The following PPFIBP2 variants were observed in gnomAD, a reference collection of about 807,000 sequenced individuals.
The protein encoded by PPFIBP2 is PPFIB scaffold protein 2.
A neutral mutation model predicts 118.3 loss-of-function variants in PPFIBP2; 118 were observed. That is an observed-to-expected ratio of 1.00 (90% CI 0.86 to 1.16). The LOEUF (loss-of-function observed/expected upper bound fraction) is 1.16, where lower values mean the gene tolerates loss of function less well. Among genes scored for constraint, PPFIBP2 ranks in the 50% most tolerant of loss-of-function variants. PPFIBP2 has a pLI of 0.00. For synonymous variants in PPFIBP2, 414 were observed against 397.4 expected (o/e 1.04, Z -0.50); for missense variants, 1,195 against 1,073.1 (o/e 1.11, Z -1.59).
chr11:7,578,462 C>T (rs1393442820), intron 3 of PPFIBP2, among the ~76,000 whole-genome samples: 1 of 152,204 alleles, frequency 6.6e-6, no homozygotes, highest in Non-Finnish European at 1.5e-5. Flanking sequence ...CATGCAGATG[C>T]CCGGACCCCG....
intron 1 of PPFIBP2, among the ~76,000 whole-genome samples, chr11:7,538,061 C>T (rs2134408435): frequency 6.6e-6 from 1 of 152,264 alleles, no homozygotes; most frequent in East Asian, 1.9e-4. Flanking sequence ...GAGCATTCAA[C>T]AACATCAAGC....
At chr11:7,663,375 C>T in the PPFIBP2 span, among the ~76,000 whole-genome samples, 1 of 151,384 alleles carries the variant, frequency 6.6e-6, no homozygotes, top group Non-Finnish European at 1.5e-5. Flanking sequence ...CAGACAGGAC[C>T]CTCAGCTGCA....
At chr11:7,577,858 C>CT (rs2134947696) in intron 3 of PPFIBP2, among the ~76,000 whole-genome samples, 1 of 152,324 alleles carries the variant, frequency 6.6e-6, no homozygotes, top group East Asian at 1.9e-4. Context: ...GAATGAGCCT[C>CT]TGTACAGAAA....
chr11:7,614,632 C>T (rs1424358480), intron 6 of PPFIBP2, among the ~76,000 whole-genome samples: 3 of 152,098 alleles, frequency 2.0e-5, no homozygotes, highest in African/African-American at 7.2e-5. Context: ...TCAAGGAGTA[C>T]ATGAACTTGA....
At position 7,639,837 on chromosome 11, in the gene PPFIBP2, C is replaced by T. The variant is rs1376234242; in HGVS notation, c.1342C>T (p.Pro448Ser). Residue 448 changes from proline to serine, a missense_variant, in exon 15 of 24, where the codon CCT becomes TCT. Transcript: ENST00000299492. ...CAAATCTCCTCCCACCATCTGCCAGCCTGACGCCACGGGGAGCAGCCTGCT... is the reference window on the plus strand; with the variant it reads ...CAAATCTCCTCCCACCATCTGCCAGTCTGACGCCACGGGGAGCAGCCTGCT... ...AAKSPPTICQPDATGSSLLRL... is the reference protein window; with the variant it reads ...AAKSPPTICQSDATGSSLLRL... 2 of 1,614,092 alleles carry T rather than the reference C, an allele frequency of 1.2e-6. No individual in the cohort carries two copies. The highest frequency in any genetic ancestry group is 2.7e-5 in the African/African-American group (2 of 74,936).
At chr11:7,544,772 T>TAAAAA (rs1194860244) in intron 1 of PPFIBP2, among the ~76,000 whole-genome samples, 2 of 86,144 alleles carry the variant, frequency 2.3e-5, no homozygotes. Context: ...AGACTCCATC[T>TAAAAA]AAAAAAAAAA....
intron 20 of PPFIBP2, 28 bp downstream of exon 20, chr11:7,649,263 G>A (rs771920287): frequency 1.3e-6 from 2 of 1,587,362 alleles, no homozygotes. Context: ...AAATATTTCA[G>A]TTGTCCCTGT....
downstream of PPFIBP2, chr11:7,656,777 CAACTCTG>C (rs1423174556): frequency 7.8e-7 from 1 of 1,289,746 alleles, no homozygotes; most frequent in Non-Finnish European, 1.0e-6. Context: ...TGCCTGCCCC[CAACTCTG>C]ATGACTGGAG....
At chr11:7,515,643 T>C (rs985564957) in intron 1 of PPFIBP2, among the ~76,000 whole-genome samples, 1 of 152,200 alleles carries the variant, frequency 6.6e-6, no homozygotes, top group African/African-American at 2.4e-5. Flanking sequence ...AAGTGGCCAG[T>C]GGTCCAGCTT....
chr11:7,650,797 C>G (rs1046568585), intron 21 of PPFIBP2, 43 bp from the exon 22 acceptor site: 1 of 1,602,348 alleles, frequency 6.2e-7, no homozygotes, highest in Non-Finnish European at 8.5e-7. Flanking sequence ...CATGGTGGGA[C>G]CTATTAAGCC....
chr11:7,596,360 G>A (rs1251586397), intron 4 of PPFIBP2, among the ~76,000 whole-genome samples: 1 of 150,510 alleles, frequency 6.6e-6, no homozygotes, highest in Non-Finnish European at 1.5e-5. Context: ...GTGTAAGGTG[G>A]ACCAAGTTGA....
intron 5 of PPFIBP2, among the ~76,000 whole-genome samples, chr11:7,603,659 T>C (rs148287605): frequency 0.011 from 1,715 of 152,332 alleles, 11 homozygotes; most frequent in Non-Finnish European, 0.018. Context: ...GGCAAATTCT[T>C]TTTTTCAGCT....
At chr11:7,540,745 C>T (rs1014827270) in intron 1 of PPFIBP2, among the ~76,000 whole-genome samples, 3 of 152,192 alleles carry the variant, frequency 2.0e-5, no homozygotes, top group African/African-American at 7.2e-5. Context: ...TGCACAGCTG[C>T]TGTCATTCCT....
chr11:7,540,168 A>G lies in PPFIBP2; in HGVS notation c.-36-9272A>G, dbSNP rs926971136. Among the ~76,000 whole-genome samples the G allele has an allele frequency of 3.3e-5, 5 of 152,082 alleles. 1 individual carries two copies. The highest frequency in any genetic ancestry group is 6.6e-5 in the Admixed American group (1 of 15,266). On this transcript the variant is annotated intron_variant, in intron 1 of 23. Transcript: ENST00000299492. ...TGCCTGAGTGATAGAAAGCTGGTGA[A>G]GCGTTGTGAATGCTGGGAAGCCTTG...
the PPFIBP2 span, among the ~76,000 whole-genome samples, chr11:7,662,611 T>A: frequency 2.0e-5 from 3 of 149,160 alleles, no homozygotes; most frequent in African/African-American, 7.3e-5. Flanking sequence ...TTGGTGAATC[T>A]GACAATTATG....
At chr11:7,518,591 A>T (rs527645570) in intron 1 of PPFIBP2, among the ~76,000 whole-genome samples, 17 of 152,266 alleles carry the variant, frequency 1.1e-4, no homozygotes, top group African/African-American at 3.9e-4. Flanking sequence ...GGGTCCAGAC[A>T]CAGTCCTGGT....
rs1005043987 is a variant in PPFIBP2, at chr11:7,639,826, C to A, written c.1331C>A (p.Thr444Asn). 2 of 1,613,920 alleles carry A rather than the reference C, an allele frequency of 1.2e-6. No homozygotes were observed. The highest frequency in any genetic ancestry group is 2.7e-5 in the African/African-American group (2 of 74,932). The change falls in exon 15 of 24, where the codon ACC becomes AAC. Residue 444 changes from threonine (T) to asparagine (N), a missense_variant. By Grantham distance (65) the Thr-to-Asn change is moderately conservative. Transcript: ENST00000299492. Reference sequence around the variant, plus strand: ...GGAGAGGCTGCCAAATCTCCTCCCACCATCTGCCAGCCTGACGCCACGGGG... The same window carrying A: ...GGAGAGGCTGCCAAATCTCCTCCCAACATCTGCCAGCCTGACGCCACGGGG... ...PNGEAAKSPP[T>N]ICQPDATGSS...
chr11:7,552,162 A>T (rs1452591064), intron 2 of PPFIBP2, among the ~76,000 whole-genome samples: 2 of 152,202 alleles, frequency 1.3e-5, no homozygotes, highest in Non-Finnish European at 2.9e-5. Flanking sequence ...ACTTGTTTGA[A>T]AACCTAGCTC....
intron 3 of PPFIBP2, among the ~76,000 whole-genome samples, chr11:7,568,027 G>A (rs896690462): frequency 5.3e-5 from 8 of 152,166 alleles, no homozygotes; most frequent in South Asian, 2.1e-4. Flanking sequence ...ACTGCCCAGC[G>A]CCTTCTCATG....
Sources: allele counts gnomAD v4.1 joint callset (sites outside exome capture counted in the v4.1 genomes callset), GRCh38; gene constraint gnomAD v4.1.1; transcripts MANE v1.5; gene names NCBI Gene and HGNC (gene_info 2026-07-23, HGNC 2026-07-21).